The following THSD4 variants were observed in gnomAD, a reference collection of about 807,000 sequenced individuals.
THSD4 encodes the protein thrombospondin type 1 domain containing 4.
THSD4 carries 69 observed loss-of-function variants against 119.0 expected under a neutral mutation model. The ratio of observed to expected loss-of-function variants is 0.58; its 90% confidence interval spans 0.48 to 0.71. The LOEUF (loss-of-function observed/expected upper bound fraction) is 0.71. THSD4 is among the 30% of genes least tolerant of loss of function. The pLI, the probability that THSD4 is intolerant of heterozygous loss-of-function variation, is 0.00. For synonymous variants in THSD4, 524 were observed against 540.4 expected (o/e 0.97, Z 0.42); for missense variants, 1,393 against 1,391.1 (o/e 1.00, Z -0.02).
At chr15:71,340,426 C>T (rs2045550742) in intron 6 of THSD4, among the ~76,000 whole-genome samples, 2 of 152,128 alleles carry the variant, frequency 1.3e-5, no homozygotes, top group South Asian at 2.1e-4. Context: ...AGCTTTAAGG[C>T]TCTGGACCCT....
intron 3 of THSD4, among the ~76,000 whole-genome samples, chr15:71,160,772 A>ATT (rs540846762): frequency 7.0e-6 from 1 of 142,764 alleles, no homozygotes. Flanking sequence ...TGATCTTAAA[A>ATT]TTTTTTTTTT....
In THSD4 at chr15:71,394,445, G is replaced by GT. The variant is rs540537286; in HGVS notation, c.1016-17241dup. Among the ~76,000 whole-genome samples, 59 of 152,096 alleles carry GT rather than the reference G, an allele frequency of 3.9e-4. No homozygotes were observed. In the East Asian group the frequency reaches 0.011, roughly 27 times the overall value. ...GTGCCACCACGGCCGGCTAATTTTT[G>GT]TATTTTTAGTAGAGACGGTGTTTCA... On this transcript the variant is annotated intron_variant, in intron 6 of 17. Coordinates refer to ENST00000261862, the MANE Select transcript of THSD4 (RefSeq NM_024817.3).
intron 7 of THSD4, among the ~76,000 whole-genome samples, chr15:71,560,180 G>A (rs1056924806): frequency 1.8e-4 from 28 of 152,294 alleles, no homozygotes; most frequent in African/African-American, 6.7e-4. Flanking sequence ...TTCAAGCAAG[G>A]CATTTTTAAG....
At position 71,570,952 on chromosome 15, in the gene THSD4, C is replaced by T. The variant is rs149812845; in HGVS notation, c.1153-89578C>T. ...ATTAGCAGTTGCTCTGTGGTACAGA[C>T]GTGGCTGCGCCTCTGTGGATCATTG... On this transcript the variant is annotated intron_variant, in intron 7 of 17. Transcript: ENST00000261862. Among the ~76,000 whole-genome samples, 12 of 152,284 alleles carry T rather than the reference C, an allele frequency of 7.9e-5. No individual in the cohort carries two copies. In the East Asian group the frequency reaches 1.7e-3, roughly 22 times the overall value.
intron 6 of THSD4, among the ~76,000 whole-genome samples, chr15:71,352,865 A>G (rs16955483): frequency 0.022 from 3,399 of 152,368 alleles, 127 homozygotes; most frequent in African/African-American, 0.078. Context: ...GGAATTGTCC[A>G]TAGGGACGGG....
chr15:71,675,563 T>C (rs1035084049), intron 8 of THSD4, among the ~76,000 whole-genome samples: 11 of 152,170 alleles, frequency 7.2e-5, no homozygotes, highest in African/African-American at 2.7e-4. Flanking sequence ...GGGGGTTCTG[T>C]GCTCAGACAT....
At chr15:71,374,343 G>A (rs775605338) in intron 6 of THSD4, among the ~76,000 whole-genome samples, 2 of 152,200 alleles carry the variant, frequency 1.3e-5, no homozygotes, top group Non-Finnish European at 2.9e-5. Flanking sequence ...GCATCAGGGT[G>A]TGCTATCTTC....
intron 6 of THSD4, among the ~76,000 whole-genome samples, chr15:71,384,464 A>T (rs1447291633): frequency 6.6e-6 from 1 of 152,140 alleles, no homozygotes; most frequent in Non-Finnish European, 1.5e-5. Flanking sequence ...GCCTTCCTTT[A>T]TCTGAAGGTA....
intron 1 of THSD4, among the ~76,000 whole-genome samples, chr15:71,103,801 C>T (rs958267927): frequency 6.6e-6 from 1 of 152,032 alleles, no homozygotes; most frequent in African/African-American, 2.4e-5. Context: ...AGGAGTTCCC[C>T]TGCACCCCAC....
chr15:71,140,362 G>C (rs137883725), intron 1 of THSD4, among the ~76,000 whole-genome samples: 88 of 152,102 alleles, frequency 5.8e-4, no homozygotes, highest in African/African-American at 2.0e-3. Flanking sequence ...GAAGGGAGGA[G>C]GTGCCAGACT....
chr15:71,205,297 CAGT>C (rs2043834570), intron 3 of THSD4, among the ~76,000 whole-genome samples: 1 of 152,124 alleles, frequency 6.6e-6, no homozygotes, highest in Non-Finnish European at 1.5e-5. Context: ...AAGTATGGTG[CAGT>C]TTGTGTGTCT....
At chr15:71,578,826 G>T (rs2049504729) in intron 7 of THSD4, among the ~76,000 whole-genome samples, 1 of 144,996 alleles carries the variant, frequency 6.9e-6, no homozygotes, top group African/African-American at 2.5e-5. Context: ...TGACTTGGGG[G>T]ACTCTGGACT....
At chr15:71,638,531 T>A (rs2050794823) in intron 7 of THSD4, among the ~76,000 whole-genome samples, 1 of 152,210 alleles carries the variant, frequency 6.6e-6, no homozygotes. Context: ...CAGTATGTCT[T>A]TTCTATATAA....
chr15:71,436,977 AAAG>A (rs1210576110), intron 7 of THSD4, among the ~76,000 whole-genome samples: 2 of 152,206 alleles, frequency 1.3e-5, no homozygotes, highest in African/African-American at 2.4e-5. Flanking sequence ...GCACTGCTAT[AAAG>A]AAGACACCTG....
intron 6 of THSD4, among the ~76,000 whole-genome samples, chr15:71,377,072 G>A (rs1326912156): frequency 6.6e-6 from 1 of 152,214 alleles, no homozygotes; most frequent in Non-Finnish European, 1.5e-5. Context: ...GAAGAGGAAA[G>A]AAATGGACGT....
intron 7 of THSD4, among the ~76,000 whole-genome samples, chr15:71,456,937 C>T (rs963627846): frequency 2.6e-5 from 4 of 152,158 alleles, no homozygotes. Flanking sequence ...GATGGCCTTC[C>T]CTCCAGAAGC....
chr15:71,378,321 A>G (rs959562602), intron 6 of THSD4, among the ~76,000 whole-genome samples: 1 of 152,206 alleles, frequency 6.6e-6, no homozygotes, highest in Non-Finnish European at 1.5e-5. Context: ...AGGCATGATG[A>G]AAGTGGCCTG....
chr15:71,640,789 T>C (rs1460368407), intron 7 of THSD4, among the ~76,000 whole-genome samples: 1 of 152,194 alleles, frequency 6.6e-6, no homozygotes, highest in East Asian at 1.9e-4. Flanking sequence ...CCACCTACCA[T>C]GTGGTTCATC....
chr15:71,763,629 C>A (rs542386695), intron 15 of THSD4, among the ~76,000 whole-genome samples: 181 of 151,920 alleles, frequency 1.2e-3, no homozygotes, highest in African/African-American at 4.3e-3. Context: ...CTCACTGCAA[C>A]CTCTACCTCC....
Sources: gnomAD v4.1 joint callset for allele counts (sites outside exome capture counted in the v4.1 genomes callset) on GRCh38, gnomAD v4.1.1 for gene constraint, MANE v1.5 for transcripts, NCBI Gene and HGNC (gene_info 2026-07-23, HGNC 2026-07-21) for gene names.